Variants in NUP98 observed in about 807,000 individuals in gnomAD.
NUP98 encodes nucleoporin 98 and 96 precursor, also known as nuclear pore complex protein Nup98-Nup96.
Under a neutral mutation model 191.9 loss-of-function variants are expected in NUP98, and 26 were observed. The observed-to-expected ratio is 0.14, with a 90% confidence interval of 0.10 to 0.19. The LOEUF is 0.19. NUP98 is among the 10% of genes least tolerant of loss of function. The pLI, the probability that NUP98 is intolerant of heterozygous loss-of-function variation, is 1.00. For synonymous variants in NUP98, 808 were observed against 778.4 expected, an observed-to-expected ratio of 1.04 and a Z score of -0.63; for missense variants, 1,941 against 2,178.8, an observed-to-expected ratio of 0.89 and a Z score of 2.17.
rs2081707307 is a variant in NUP98 at position 3,775,945 on chromosome 11, A to T, written c.432T>A (p.Ser144=). The stretch of plus-strand genomic sequence containing the variant: ...AACTACTTGGCCCAAAGAGGGAGCC[A>T]GATGTGCTGCCAAAAGGATTAGAGG... ...NTTSNPFGST[S]GSLFGPSSFT... is the part of the protein sequence containing the mutation. The change falls in exon 5 of 33, where the codon TCT becomes TCA. Residue 144 remains serine (S), a synonymous_variant. Coordinates refer to ENST00000324932, the MANE Select transcript of NUP98 (RefSeq NM_016320.5). 2 of 1,613,626 alleles carry T rather than the reference A, an allele frequency of 1.2e-6. No individual in the cohort carries two copies. Among genetic ancestry groups the T allele is most frequent in the Non-Finnish European group, 1.7e-6 (2 of 1,179,526 alleles).
intron 14 of NUP98, among the ~76,000 whole-genome samples, chr11:3,728,600 G>T (rs1226986403): frequency 6.6e-6 from 1 of 152,072 alleles, no homozygotes; most frequent in Non-Finnish European, 1.5e-5. Context: ...TTAGCTGGGC[G>T]TGGTGGTGGG....
chr11:3,795,447 T>C (rs1242290441), intron 1 of NUP98, among the ~76,000 whole-genome samples: 1 of 152,042 alleles, frequency 6.6e-6, no homozygotes, highest in Non-Finnish European at 1.5e-5. Context: ...CCCTATCTCA[T>C]AAATAAATAA....
chr11:3,765,345 C>G (rs922801316), intron 8 of NUP98, among the ~76,000 whole-genome samples: 2 of 152,222 alleles, frequency 1.3e-5, no homozygotes, highest in Non-Finnish European at 2.9e-5. Context: ...GGATGACAAG[C>G]ATGTACTAAA....
chr11:3,731,636 C>T, intron 13 of NUP98, 58 bp from the exon 14 acceptor site: 2 of 1,201,996 alleles, frequency 1.7e-6, no homozygotes, highest in South Asian at 2.3e-5. Flanking sequence ...CTGCACTGGC[C>T]TTAAAAATCA....
At chr11:3,703,497 T>A (rs898526609) in intron 22 of NUP98, among the ~76,000 whole-genome samples, 6 of 152,200 alleles carry the variant, frequency 3.9e-5, no homozygotes, top group Non-Finnish European at 7.3e-5. Flanking sequence ...ATTACAGGCA[T>A]GAGCCACTGC....
At chr11:3,709,488 C>T (rs617977) in intron 20 of NUP98, among the ~76,000 whole-genome samples, 130,394 of 151,946 alleles carry the variant, frequency 0.86, 56,146 homozygotes, top group East Asian at 0.97. Flanking sequence ...GATACTCATT[C>T]GGCCAAGAAT....
chr11:3,709,619 T>C (rs1315726662), intron 20 of NUP98, among the ~76,000 whole-genome samples: 1 of 150,690 alleles, frequency 6.6e-6, no homozygotes, highest in African/African-American at 2.4e-5. Flanking sequence ...GTGGGAAGGA[T>C]TGCTTGGTCC....
chr11:3,757,264 A>C (rs1229288246), intron 10 of NUP98, among the ~76,000 whole-genome samples: 4 of 151,984 alleles, frequency 2.6e-5, no homozygotes, highest in Admixed American at 6.6e-5. Context: ...CAAGACAGGC[A>C]GATCACCTGA....
chr11:3,679,264 G>C (rs1431432842), intron 31 of NUP98, among the ~76,000 whole-genome samples: 2 of 151,812 alleles, frequency 1.3e-5, no homozygotes, highest in Non-Finnish European at 2.9e-5. Context: ...TCTCATCTTT[G>C]GGCTTCTCAC....
intron 1 of NUP98, among the ~76,000 whole-genome samples, chr11:3,793,825 C>T (rs55778107): frequency 6.6e-6 from 1 of 151,816 alleles, no homozygotes; most frequent in African/African-American, 2.4e-5. Context: ...ACAAAATTAG[C>T]TGGGTGTGGT....
chr11:3,743,758 T>C (rs573568888), intron 12 of NUP98, among the ~76,000 whole-genome samples: 5 of 148,774 alleles, frequency 3.4e-5, no homozygotes, highest in Non-Finnish European at 7.4e-5. Flanking sequence ...GAATGAAGTA[T>C]GAAAAACACC....
At chr11:3,713,413 A>T (rs2079079290) in intron 19 of NUP98, among the ~76,000 whole-genome samples, 1 of 152,222 alleles carries the variant, frequency 6.6e-6, no homozygotes, top group Admixed American at 6.5e-5. Context: ...CTCTCTCCAA[A>T]TTTCTAAAAA....
At chr11:3,726,261 T>G (rs1162006441) in intron 14 of NUP98, among the ~76,000 whole-genome samples, 2 of 151,634 alleles carry the variant, frequency 1.3e-5, no homozygotes, top group Non-Finnish European at 2.9e-5. Context: ...TAAATGCATA[T>G]ATTTGAAAGA....
At chr11:3,767,259 C>T (rs1420103772) in intron 8 of NUP98, among the ~76,000 whole-genome samples, 1 of 151,892 alleles carries the variant, frequency 6.6e-6, no homozygotes, top group African/African-American at 2.4e-5. Flanking sequence ...GCATGCCCGG[C>T]TGATCCTTTT....
chr11:3,779,436 G>A (rs2081872994), intron 2 of NUP98, among the ~76,000 whole-genome samples, 179 bp from the exon 3 acceptor site: 1 of 152,078 alleles, frequency 6.6e-6, no homozygotes, highest in South Asian at 2.1e-4. Flanking sequence ...GAGGTCGGGA[G>A]TTCAAGACCA....
intron 12 of NUP98, among the ~76,000 whole-genome samples, chr11:3,739,764 A>G (rs1411109956): frequency 6.6e-6 from 1 of 152,178 alleles, no homozygotes; most frequent in Non-Finnish European, 1.5e-5. Flanking sequence ...AGGACTGATC[A>G]AGCAGGATAC....
At chr11:3,688,240 C>A (rs1320969547) in intron 28 of NUP98, among the ~76,000 whole-genome samples, 2 of 151,348 alleles carry the variant, frequency 1.3e-5, no homozygotes, top group Non-Finnish European at 2.9e-5. Flanking sequence ...ATGGTGAAAC[C>A]CCGTCTCTAC....
chr11:3,736,532 C>T (rs1170965272), intron 12 of NUP98, among the ~76,000 whole-genome samples: 2 of 152,114 alleles, frequency 1.3e-5, no homozygotes, highest in Non-Finnish European at 2.9e-5. Flanking sequence ...GGGCGCACAC[C>T]TATAACCCCA....
chr11:3,792,720 G>T (rs1219575619), intron 1 of NUP98, among the ~76,000 whole-genome samples: 1 of 152,162 alleles, frequency 6.6e-6, no homozygotes, highest in African/African-American at 2.4e-5. Flanking sequence ...AATCACAGAA[G>T]TGTAAAGGTC....
Sources: allele counts gnomAD v4.1 joint callset (sites outside exome capture counted in the v4.1 genomes callset), GRCh38; gene constraint gnomAD v4.1.1; transcripts MANE v1.5; gene names NCBI Gene and HGNC (gene_info 2026-07-23, HGNC 2026-07-21).